The following ULK4 variants were observed in gnomAD, a reference collection of about 807,000 sequenced individuals.
ULK4 encodes the protein unc-51 like kinase 4, also known as inactive serine/threonine-protein kinase ULK4.
A neutral mutation model predicts 160.6 loss-of-function variants in ULK4; 133 were observed. That is an observed-to-expected ratio of 0.83 (90% CI 0.72 to 0.96). ULK4 has a LOEUF of 0.96. ULK4 is among the 40% of genes least tolerant of loss of function. ULK4 has a pLI of 0.00. For synonymous variants in ULK4, 534 were observed against 539.8 expected, an observed-to-expected ratio of 0.99 and a Z score of 0.15; for missense variants, 1,580 against 1,499.5, an observed-to-expected ratio of 1.05 and a Z score of -0.89.
At chr3:41,751,917 C>A (rs568134059) in intron 22 of ULK4, among the ~76,000 whole-genome samples, 310 of 152,234 alleles carry the variant, frequency 2.0e-3, no homozygotes, top group African/African-American at 7.2e-3. Context: ...AACAGACAAA[C>A]CATGGGGCTC....
chr3:41,675,159 G>A lies in ULK4; in HGVS notation c.2978+6349C>T, dbSNP rs190674474. Among the ~76,000 whole-genome samples, 205 of 152,102 alleles carry A rather than the reference G, an allele frequency of 1.3e-3. 2 individuals are homozygous for A. Among genetic ancestry groups the A allele is most frequent in the African/African-American group, 4.6e-3 (191 of 41,488 alleles). ...GGAGGCTGAGGCAGGAGAATCGCCT[G>A]AACCCAGGAAATGGAGGTTGCAATG... On this transcript the variant is annotated intron_variant, in intron 29 of 36. Coordinates refer to ENST00000301831, the MANE Select transcript of ULK4 (RefSeq NM_017886.4).
At chr3:41,346,022 G>C (rs1162153334) in intron 35 of ULK4, among the ~76,000 whole-genome samples, 2 of 151,974 alleles carry the variant, frequency 1.3e-5, no homozygotes, top group African/African-American at 4.8e-5. Context: ...GATAGGGCCA[G>C]AACAGGTGGG....
intron 32 of ULK4, among the ~76,000 whole-genome samples, chr3:41,467,565 G>C (rs1274967187): frequency 2.0e-5 from 3 of 152,056 alleles, no homozygotes; most frequent in African/African-American, 7.2e-5. Flanking sequence ...AATAGCCCAG[G>C]TGTCCATCAA....
intron 35 of ULK4, among the ~76,000 whole-genome samples, chr3:41,359,357 AG>A (rs2081086294): frequency 6.6e-6 from 1 of 152,238 alleles, no homozygotes; most frequent in African/African-American, 2.4e-5. Flanking sequence ...GAGCTCCCCT[AG>A]GGAGCAAACC....
chr3:41,793,081 G>A (rs1220004436), intron 20 of ULK4, among the ~76,000 whole-genome samples: 2 of 151,878 alleles, frequency 1.3e-5, no homozygotes, highest in African/African-American at 4.8e-5. Context: ...GCTGAGGCAG[G>A]AGAATTACTT....
chr3:41,527,481 G>A (rs183323644), intron 32 of ULK4, among the ~76,000 whole-genome samples: 87 of 152,296 alleles, frequency 5.7e-4, no homozygotes, highest in African/African-American at 2.1e-3. Flanking sequence ...CCTATCACAT[G>A]GGAGAAAACT....
intron 30 of ULK4, among the ~76,000 whole-genome samples, chr3:41,628,859 A>T (rs982374318): frequency 6.6e-6 from 1 of 152,166 alleles, no homozygotes; most frequent in African/African-American, 2.4e-5. Context: ...GTAAGGTTAA[A>T]ATTATTTGAA....
At chr3:41,526,962 A>T (rs898912284) in intron 32 of ULK4, among the ~76,000 whole-genome samples, 2 of 152,218 alleles carry the variant, frequency 1.3e-5, no homozygotes, top group Admixed American at 1.3e-4. Context: ...TCATCTACCA[A>T]GGAGTTATTG....
intron 32 of ULK4, among the ~76,000 whole-genome samples, chr3:41,553,543 C>T (rs2087160509): frequency 1.3e-5 from 2 of 152,052 alleles, no homozygotes; most frequent in South Asian, 2.1e-4. Context: ...CAATGAGATG[C>T]TATCTTTTTA....
Position 41,911,635 on chromosome 3 carries a change from C to T in ULK4, c.921G>A (p.Gly307=), listed in dbSNP as rs1204293240. 1 of 1,613,572 alleles carries T rather than the reference C, an allele frequency of 6.2e-7. No individual in the cohort carries two copies. Among genetic ancestry groups the T allele is most frequent in the African/African-American group, 1.3e-5 (1 of 74,916 alleles). ...SLSRNTMECS[G]PQDSKELLQN... Reference sequence around the variant, plus strand: ...GCAAAAGCTCCTTGGAATCTTGTGGCCCAGAACACTCCATAGTGTTTCTGC... The same window carrying T: ...GCAAAAGCTCCTTGGAATCTTGTGGTCCAGAACACTCCATAGTGTTTCTGC... Residue 307 remains glycine, a synonymous_variant, in exon 10 of 37, where the codon GGG becomes GGA. Transcript: ENST00000301831.
At chr3:41,737,758 C>T (rs752986394) in intron 22 of ULK4, among the ~76,000 whole-genome samples, 1 of 151,928 alleles carries the variant, frequency 6.6e-6, no homozygotes, top group Non-Finnish European at 1.5e-5. Context: ...AATTCAATGC[C>T]TCTGTTTGTA....
chr3:41,948,074 A>G (rs1202204381), intron 2 of ULK4, among the ~76,000 whole-genome samples: 1 of 151,978 alleles, frequency 6.6e-6, no homozygotes, highest in Non-Finnish European at 1.5e-5. Flanking sequence ...ACTCTCTTCC[A>G]GTTCTGGGTA....
intron 20 of ULK4, among the ~76,000 whole-genome samples, chr3:41,794,444 T>C (rs948894834): frequency 3.3e-5 from 5 of 151,730 alleles, no homozygotes; most frequent in Non-Finnish European, 7.4e-5. Flanking sequence ...CGTGGGTGGA[T>C]CACATGGTCA....
intron 32 of ULK4, among the ~76,000 whole-genome samples, chr3:41,478,888 G>A (rs1449572352): frequency 2.6e-5 from 4 of 152,172 alleles, no homozygotes; most frequent in African/African-American, 9.7e-5. Flanking sequence ...TCTATTCTTA[G>A]CTCAACGTTA....
intron 31 of ULK4, among the ~76,000 whole-genome samples, chr3:41,597,346 CT>C (rs1254453118): frequency 6.6e-6 from 1 of 152,144 alleles, no homozygotes; most frequent in Non-Finnish European, 1.5e-5. Context: ...ACATTGGTGG[CT>C]TTTTTCCCTT....
chr3:41,857,208 C>G (rs148494545), intron 17 of ULK4, among the ~76,000 whole-genome samples: 119 of 152,254 alleles, frequency 7.8e-4, no homozygotes, highest in Non-Finnish European at 1.4e-3. Context: ...GAGCCCTATT[C>G]TCTTTCCCTA....
intron 34 of ULK4, among the ~76,000 whole-genome samples, chr3:41,447,285 A>G (rs1179911977): frequency 6.6e-6 from 1 of 152,068 alleles, no homozygotes; most frequent in Non-Finnish European, 1.5e-5. Context: ...ATATTAAAGC[A>G]TTACTTCTGA....
At chr3:41,580,975 C>A (rs1426168436) in intron 31 of ULK4, among the ~76,000 whole-genome samples, 1 of 152,170 alleles carries the variant, frequency 6.6e-6, no homozygotes, top group Non-Finnish European at 1.5e-5. Context: ...TTTATGACTA[C>A]ATTCAAACAA....
chr3:41,624,075 C>T (rs187592462), intron 30 of ULK4, among the ~76,000 whole-genome samples: 1 of 152,132 alleles, frequency 6.6e-6, no homozygotes, highest in Non-Finnish European at 1.5e-5. Context: ...TTTATATTTT[C>T]TCTCTTTCCT....
Sources: allele counts gnomAD v4.1 joint callset (sites outside exome capture counted in the v4.1 genomes callset), GRCh38; gene constraint gnomAD v4.1.1; transcripts MANE v1.5; gene names NCBI Gene and HGNC (gene_info 2026-07-23, HGNC 2026-07-21).